The following TLK1 variants were observed in gnomAD, a reference collection of about 807,000 sequenced individuals.
The protein encoded by TLK1 is serine/threonine-protein kinase tousled-like 1.
Under a neutral mutation model 105.3 loss-of-function variants are expected in TLK1, and 24 were observed. The observed-to-expected ratio is 0.23, with a 90% confidence interval of 0.17 to 0.32. TLK1 has a LOEUF of 0.32. Among genes scored for constraint, TLK1 ranks in the 10% least tolerant of loss-of-function variants. TLK1 has a pLI of 1.00. For missense variants in TLK1, 558 were observed against 910.5 expected (o/e 0.61, Z 4.98); for synonymous variants, 321 against 310.4 (o/e 1.03, Z -0.36).
Position 171,007,038 on chromosome 2 carries a change from T to C in TLK1, c.1442A>G (p.Tyr481Cys). 1.2e-6 allele frequency: 2 copies of C among 1,607,850 alleles called. No homozygotes were observed. The highest frequency in any genetic ancestry group is 1.7e-6 in the Non-Finnish European group (2 of 1,178,550). The change falls in exon 15 of 21, where the codon TAT becomes TGT. Residue 481 changes from tyrosine (Y) to cysteine (C), a missense_variant. Tyr to Cys is a radical substitution (Grantham distance 194). This residue lies in a region of TLK1 where 218 missense variants were observed against 492.9 expected (regional missense o/e 0.44). Transcript: ENST00000431350. Reference protein sequence around the residue: ...YKAFDLYEQRYAAVKIHQLNK... With the variant: ...YKAFDLYEQRCAAVKIHQLNK... ...AAGCTGATGTATCTTCACAGCAGCA[T>C]ATCTTTGTTCATAAAGGTCAAAAGC...
intron 2 of TLK1, among the ~76,000 whole-genome samples, chr2:171,083,542 CAT>C (rs1319240108): frequency 2.6e-5 from 4 of 152,106 alleles, no homozygotes; most frequent in Non-Finnish European, 4.4e-5. Context: ...TACATCAGAT[CAT>C]AGTCTTCCAG....
upstream of TLK1, among the ~76,000 whole-genome samples, chr2:171,164,669 A>AT (rs1351553576): frequency 6.6e-6 from 1 of 152,248 alleles, no homozygotes; most frequent in African/African-American, 2.4e-5. Context: ...AATTGAAGTA[A>AT]TTGAAGCATA....
chr2:171,072,298 T>C (rs1485278823), intron 3 of TLK1, among the ~76,000 whole-genome samples: 1 of 152,200 alleles, frequency 6.6e-6, no homozygotes, highest in East Asian at 1.9e-4. Flanking sequence ...GTTTTTATTG[T>C]AGAGATATTT....
chr2:171,133,863 T>C (rs1691202318), intron 1 of TLK1, among the ~76,000 whole-genome samples: 1 of 151,980 alleles, frequency 6.6e-6, no homozygotes. Flanking sequence ...ATTGTGATGG[T>C]GTCAGGGTGT....
intron 14 of TLK1, among the ~76,000 whole-genome samples, chr2:171,009,963 A>T (rs1472432136): frequency 1.3e-5 from 2 of 152,206 alleles, no homozygotes; most frequent in African/African-American, 4.8e-5. Context: ...ATAACCCTTC[A>T]CTAGGACTTC....
chr2:171,149,449 T>C (rs1691942261), intron 1 of TLK1, among the ~76,000 whole-genome samples: 1 of 152,190 alleles, frequency 6.6e-6, no homozygotes, highest in African/African-American at 2.4e-5. Context: ...TATGTTATAT[T>C]AACTTGTTAT....
chr2:170,994,432 C>G (rs1683950389), intron 20 of TLK1, among the ~76,000 whole-genome samples: 1 of 151,478 alleles, frequency 6.6e-6, no homozygotes, highest in African/African-American at 2.4e-5. Context: ...CAGGTTAACC[C>G]TATGCATCAT....
intron 2 of TLK1, among the ~76,000 whole-genome samples, chr2:171,102,629 C>T (rs567582820): frequency 6.6e-5 from 10 of 152,278 alleles, no homozygotes; most frequent in African/African-American, 2.4e-4. Flanking sequence ...AAATTCACTA[C>T]GTTATTTCTA....
At chr2:171,201,429 T>C (rs1458903366) in intron 1 of TLK1, among the ~76,000 whole-genome samples, 1 of 152,208 alleles carries the variant, frequency 6.6e-6, no homozygotes, top group Non-Finnish European at 1.5e-5. Context: ...ACATGAACCC[T>C]GCCTGACCTC....
intron 11 of TLK1, among the ~76,000 whole-genome samples, chr2:171,030,814 A>G (rs1485002166): frequency 6.6e-6 from 1 of 152,170 alleles, no homozygotes; most frequent in Non-Finnish European, 1.5e-5. Context: ...AAAATTTGGC[A>G]TATCTTAAAC....
intron 12 of TLK1, among the ~76,000 whole-genome samples, chr2:171,023,764 A>AT (rs879722422): frequency 9.9e-5 from 15 of 152,188 alleles, no homozygotes; most frequent in Non-Finnish European, 1.6e-4. Flanking sequence ...CAGGGATTGT[A>AT]TTTTTAGTTT....
chr2:171,212,036 G>T (rs1418497427), intron 1 of TLK1, among the ~76,000 whole-genome samples: 1 of 151,474 alleles, frequency 6.6e-6, no homozygotes, highest in Non-Finnish European at 1.5e-5. Context: ...GGTAGAGACA[G>T]GGTTTCACCA....
At chr2:171,031,760 G>GAAAAATTTTA (rs1256980797) in intron 11 of TLK1, among the ~76,000 whole-genome samples, 2 of 152,136 alleles carry the variant, frequency 1.3e-5, no homozygotes, top group African/African-American at 4.8e-5. Flanking sequence ...TAGTTTAACA[G>GAAAAATTTTA]AAATATGGGG....
At chr2:171,007,331 A>G (rs1684693553) in intron 14 of TLK1, among the ~76,000 whole-genome samples, 1 of 152,084 alleles carries the variant, frequency 6.6e-6, no homozygotes. Flanking sequence ...TAAAAATAAA[A>G]CAATAAAGCT....
chr2:171,217,265 T>C (rs1693732766), intron 1 of TLK1, among the ~76,000 whole-genome samples: 1 of 152,208 alleles, frequency 6.6e-6, no homozygotes, highest in Non-Finnish European at 1.5e-5. Context: ...TTGCAATGAT[T>C]ATAATAAAAA....
intron 3 of TLK1, among the ~76,000 whole-genome samples, chr2:171,077,552 A>C (rs1259542800): frequency 6.6e-6 from 1 of 152,248 alleles, no homozygotes; most frequent in African/African-American, 2.4e-5. Flanking sequence ...TGTTCCCATT[A>C]ATCTACTAAA....
intron 11 of TLK1, among the ~76,000 whole-genome samples, chr2:171,042,848 C>T (rs1021828295): frequency 1.3e-5 from 2 of 151,908 alleles, no homozygotes; most frequent in Admixed American, 1.3e-4. Context: ...AAAGCACAGT[C>T]CATTTAGAGA....
chr2:171,123,926 C>T (rs938554924), intron 1 of TLK1, among the ~76,000 whole-genome samples: 1 of 152,132 alleles, frequency 6.6e-6, no homozygotes, highest in Non-Finnish European at 1.5e-5. Flanking sequence ...AACCCACAAG[C>T]ATGATTTTAA....
intron 2 of TLK1, 133 bp from the exon 3 acceptor site, chr2:171,082,985 G>A: frequency 1.6e-6 from 1 of 626,578 alleles, no homozygotes; most frequent in Admixed American, 3.5e-5. Flanking sequence ...CTTAAAACAA[G>A]GAAGCCAAAT....
Sources: gnomAD v4.1 joint callset for allele counts (sites outside exome capture counted in the v4.1 genomes callset) on GRCh38, gnomAD v4.1.1 for gene constraint, gnomAD v4.1.1 regional missense constraint, MANE v1.5 for transcripts, NCBI Gene and HGNC (gene_info 2026-07-23, HGNC 2026-07-21) for gene names.